Variants in NOTCH2NLR observed in about 807,000 individuals in gnomAD.
The protein encoded by NOTCH2NLR is notch 2 N-terminal like R, also known as notch 2 N-terminal like R (pseudogene).
In NOTCH2NLR, 33 loss-of-function variants were observed where a neutral mutation model predicts 35.6. The observed-to-expected ratio is 0.93, with a 90% CI of 0.70 to 1.24. NOTCH2NLR has a LOEUF of 1.24. NOTCH2NLR is among the 50% of genes most tolerant of loss of function. NOTCH2NLR has a pLI of 0.00. For synonymous variants in NOTCH2NLR, 103 were observed against 141.0 expected (o/e 0.73, Z 1.91); for missense variants, 276 against 362.2 (o/e 0.76, Z 1.93).
intron 1 of NOTCH2NLR, among the ~76,000 whole-genome samples, chr1:120,752,552 A>ATTTTTTT (rs1386751525): frequency 0.012 from 104 of 8,972 alleles, no homozygotes; most frequent in Non-Finnish European, 0.015. Flanking sequence ...ATATATATAT[A>ATTTTTTT]TATTTTTTTT....
intron 1 of NOTCH2NLR, among the ~76,000 whole-genome samples, chr1:120,760,196 T>C: frequency 1.7e-5 from 1 of 58,952 alleles, no homozygotes; most frequent in Non-Finnish European, 2.8e-5. Context: ...TTTTTTTTTT[T>C]TTTTTTTTTG....
intron 2 of NOTCH2NLR, among the ~76,000 whole-genome samples, chr1:120,768,607 TAA>T (rs1230103411): frequency 9.6e-6 from 1 of 103,904 alleles, no homozygotes. Context: ...ACCTTCACGA[TAA>T]AAAAAAAAAA....
At chr1:120,765,604 A>C (rs1347007613) in intron 2 of NOTCH2NLR, among the ~76,000 whole-genome samples, 4 of 72,680 alleles carry the variant, frequency 5.5e-5, no homozygotes, top group Non-Finnish European at 1.0e-4. Flanking sequence ...CAGAAATACC[A>C]TTTGGCCCAG....
chr1:120,756,119 G>A (rs1651077696), intron 1 of NOTCH2NLR, among the ~76,000 whole-genome samples: 1 of 114,068 alleles, frequency 8.8e-6, no homozygotes, highest in Non-Finnish European at 1.7e-5. Flanking sequence ...TTTAGAGAAA[G>A]TTTTGTTTGA....
At position 120,779,526 on chromosome 1, in the gene NOTCH2NLR, A is replaced by T. The variant is rs1651338821; in HGVS notation, c.156-5448A>T. On this transcript the variant is annotated intron_variant, in intron 2 of 4. Coordinates refer to ENST00000624419, the Ensembl canonical transcript of NOTCH2NLR. The stretch of plus-strand genomic sequence containing the variant: ...GAGACATTGAAGAGACAGTTATGAA[A>T]ATAATTAATAAACTCCCTACAGGAG... 1.7e-5 allele frequency among the ~76,000 whole-genome samples: 2 copies of T among 120,050 alleles called. 1 individual carries two copies. The highest frequency in any genetic ancestry group is 7.6e-5 in the African/African-American group (2 of 26,164). 78.8% of individuals were successfully genotyped at this position (120,050 alleles called of 152,430 possible).
intron 2 of NOTCH2NLR, among the ~76,000 whole-genome samples, chr1:120,764,034 G>A (rs1227295912): frequency 3.5e-5 from 4 of 114,124 alleles, no homozygotes; most frequent in Non-Finnish European, 6.7e-5. Context: ...GAATCACGAG[G>A]TCAGGAGTTC....
At chr1:120,759,066 T>G (rs1418996594) in intron 1 of NOTCH2NLR, among the ~76,000 whole-genome samples, 1 of 98,802 alleles carries the variant, frequency 1.0e-5, no homozygotes, top group Non-Finnish European at 1.8e-5. Flanking sequence ...GGGAGTTTAT[T>G]CTGTATACTA....
Position 120,786,333 on chromosome 1 carries a change from C to A in NOTCH2NLR, c.415+1100C>A, listed in dbSNP as rs1303193586. On this transcript the variant is annotated intron_variant, in intron 3 of 4. Transcript: ENST00000624419. ...AAGCCAACCTCTGAGTTGCCTTTCA[C>A]CTGTCTATTCCTCCCATTTCCTCTG... 6.1e-5 allele frequency among the ~76,000 whole-genome samples: 6 copies of A among 98,700 alleles called. 2 individuals carry two copies. Among genetic ancestry groups the A allele is most frequent in the African/African-American group, 2.9e-4 (4 of 13,894 alleles). The allele number at this position is 98,700 out of a possible 152,430, so 64.8% of individuals were successfully genotyped here.
In NOTCH2NLR at chr1:120,764,133, G is replaced by A. The variant is rs1273636452; in HGVS notation, c.155+424G>A. On this transcript the variant is annotated intron_variant, in intron 2 of 4. Transcript: ENST00000624419. ...GTGGTGGCGCATGACTGGAGTCCCA[G>A]CTACTCGGGAGGCTGAGGCAGGAGA... 3.6e-5 allele frequency among the ~76,000 whole-genome samples: 4 copies of A among 112,124 alleles called. 1 individual carries two copies. Among genetic ancestry groups the A allele is most frequent in the Non-Finnish European group, 6.8e-5 (4 of 58,440 alleles). The allele number at this position is 112,124 out of a possible 152,430, so 73.6% of individuals were successfully genotyped here. A position where few individuals can be genotyped will look rare whatever the true frequency, so the allele number is the denominator to read the frequency against.
At chr1:120,770,240 G>T (rs1407261174) in intron 2 of NOTCH2NLR, among the ~76,000 whole-genome samples, 1 of 103,332 alleles carries the variant, frequency 9.7e-6, no homozygotes, top group East Asian at 2.2e-4. Context: ...CGCTTTCTTG[G>T]CTCACTGCAA....
chr1:120,790,554 TTC>T (rs1456198595), intron 3 of NOTCH2NLR, among the ~76,000 whole-genome samples: 1 of 99,678 alleles, frequency 1.0e-5, no homozygotes, highest in Non-Finnish European at 1.8e-5. Context: ...CTTTCTTTCT[TTC>T]TTTCTTTCTT....
intron 2 of NOTCH2NLR, among the ~76,000 whole-genome samples, chr1:120,777,953 T>TA (rs1651316813): frequency 1.1e-5 from 1 of 88,898 alleles, no homozygotes; most frequent in Non-Finnish European, 2.0e-5. Context: ...CCTAGAAGTT[T>TA]AGACTTGATT....
intron 3 of NOTCH2NLR, among the ~76,000 whole-genome samples, chr1:120,790,805 G>A (rs1651484797): frequency 9.6e-6 from 1 of 104,388 alleles, no homozygotes; most frequent in Non-Finnish European, 1.8e-5. Context: ...TCACCATGTT[G>A]GCCAGGCTGG....
chr1:120,756,689 G>A (rs1651084617), intron 1 of NOTCH2NLR, among the ~76,000 whole-genome samples: 1 of 116,954 alleles, frequency 8.6e-6, no homozygotes, highest in Non-Finnish European at 1.6e-5. Flanking sequence ...TAAAACAAAG[G>A]GAGGCTTTTA....
intron 2 of NOTCH2NLR, among the ~76,000 whole-genome samples, chr1:120,768,031 C>T (rs1248095991): frequency 9.2e-6 from 1 of 108,848 alleles, no homozygotes; most frequent in Non-Finnish European, 1.7e-5. Flanking sequence ...ACTTACTGGA[C>T]ATTGTGGGTG....
Position 120,724,140 on chromosome 1 carries a change from C to A in NOTCH2NLR, c.-38C>A, listed in dbSNP as rs1175380515. On this transcript the variant is annotated 5_prime_UTR_variant, in exon 1 of 5. Transcript: ENST00000624419. Reference sequence around the variant, plus strand: ...TGTGGATCTGCCCAGGCGGCGGCGGCGGCGGCGGCGGAGGAGGAGGAGGAG... The same window carrying A: ...TGTGGATCTGCCCAGGCGGCGGCGGAGGCGGCGGCGGAGGAGGAGGAGGAG... The A allele has an allele frequency of 1.5e-5, 21 of 1,363,966 alleles. 4 individuals are homozygous for A. Among genetic ancestry groups the A allele is most frequent in the Non-Finnish European group, 2.0e-5 (21 of 1,050,410 alleles). 84.5% of individuals were successfully genotyped at this position (1,363,966 alleles called of 1,614,324 possible).
intron 2 of NOTCH2NLR, among the ~76,000 whole-genome samples, chr1:120,765,136 A>G (rs1205750321): frequency 0.053 from 6,307 of 119,800 alleles, 1,714 homozygotes; most frequent in African/African-American, 0.18. Context: ...GCTTATTATG[A>G]GCTGCTCATT....
At chr1:120,765,772 T>C (rs1487246394) in intron 2 of NOTCH2NLR, among the ~76,000 whole-genome samples, 1 of 127,332 alleles carries the variant, frequency 7.9e-6, no homozygotes, top group South Asian at 2.4e-4. Context: ...AAATGTGGCA[T>C]GTATACACGA....
intron 2 of NOTCH2NLR, among the ~76,000 whole-genome samples, chr1:120,777,509 A>G (rs1345642874): frequency 9.0e-6 from 1 of 111,400 alleles, no homozygotes; most frequent in Non-Finnish European, 1.7e-5. Context: ...ACATACAACT[A>G]GTAAGGCCCT....
Sources: allele counts gnomAD v4.1 joint callset (sites outside exome capture counted in the v4.1 genomes callset), GRCh38; gene constraint gnomAD v4.1.1; transcripts MANE v1.5; gene names NCBI Gene and HGNC (gene_info 2026-07-23, HGNC 2026-07-21).